The following PIGK variants were observed in gnomAD, a reference collection of about 807,000 sequenced individuals.
PIGK encodes phosphatidylinositol glycan anchor biosynthesis class K, also known as GPI-anchor transamidase.
A neutral mutation model predicts 50.6 loss-of-function variants in PIGK; 42 were observed. The observed-to-expected ratio is 0.83, with a 90% CI of 0.65 to 1.07. The LOEUF (loss-of-function observed/expected upper bound fraction) is 1.07, where lower values mean the gene tolerates loss of function less well. Among genes scored for constraint, PIGK ranks in the 50% least tolerant of loss-of-function variants. PIGK has a pLI of 0.00. For missense variants in PIGK, 448 were observed against 488.7 expected (o/e 0.92, Z 0.78); for synonymous variants, 151 against 156.0 (o/e 0.97, Z 0.24).
At chr1:77,198,639 T>C (rs1010875217) in intron 3 of PIGK, among the ~76,000 whole-genome samples, 1 of 151,862 alleles carries the variant, frequency 6.6e-6, no homozygotes, top group Non-Finnish European at 1.5e-5. Flanking sequence ...AAAGGTACCA[T>C]TTACAATAAT....
At chr1:77,193,607 C>T (rs1655963928) in intron 3 of PIGK, among the ~76,000 whole-genome samples, 1 of 152,086 alleles carries the variant, frequency 6.6e-6, no homozygotes, top group South Asian at 2.1e-4. Context: ...TGTCATATTT[C>T]CAAGGGAACA....
intron 10 of PIGK, among the ~76,000 whole-genome samples, chr1:77,098,959 T>A (rs1234482174): frequency 1.3e-5 from 2 of 152,150 alleles, no homozygotes; most frequent in South Asian, 2.1e-4. Flanking sequence ...TTCTGGAAAA[T>A]AACCCATTAA....
intron 8 of PIGK, 50 bp from the exon 9 acceptor site, chr1:77,154,671 T>G (rs1214976431): frequency 8.8e-7 from 1 of 1,142,054 alleles, no homozygotes; most frequent in East Asian, 2.5e-5. Flanking sequence ...CATACCACAT[T>G]TATTAAATCC....
intron 10 of PIGK, among the ~76,000 whole-genome samples, chr1:77,108,381 T>C (rs1335564072): frequency 6.6e-6 from 1 of 152,196 alleles, no homozygotes; most frequent in African/African-American, 2.4e-5. Flanking sequence ...AATTCTGGGT[T>C]GAAAATTCTT....
intron 3 of PIGK, among the ~76,000 whole-genome samples, chr1:77,201,093 A>G (rs1416295188): frequency 1.3e-5 from 2 of 152,230 alleles, no homozygotes; most frequent in African/African-American, 4.8e-5. Context: ...TCTTACGTAT[A>G]AGGCCAAATC....
At chr1:77,210,191 T>C (rs762479111) in intron 2 of PIGK, among the ~76,000 whole-genome samples, 2 of 152,052 alleles carry the variant, frequency 1.3e-5, no homozygotes, top group Non-Finnish European at 2.9e-5. Flanking sequence ...CCTTTAACAA[T>C]AGCATTCCTA....
chr1:77,199,832 T>A (rs547153514), intron 3 of PIGK, among the ~76,000 whole-genome samples: 1 of 152,208 alleles, frequency 6.6e-6, no homozygotes, highest in East Asian at 1.9e-4. Flanking sequence ...TCATGTAACA[T>A]TTACAATTAG....
At chr1:77,213,632 C>T (rs1234749987) in intron 1 of PIGK, among the ~76,000 whole-genome samples, 1 of 151,832 alleles carries the variant, frequency 6.6e-6, no homozygotes, top group African/African-American at 2.4e-5. Context: ...AACCTAATAA[C>T]ACATCTCAAG....
chr1:77,095,913 C>T lies in PIGK; in HGVS notation c.1072-3423G>A, dbSNP rs558171101. Among the ~76,000 whole-genome samples the T allele has an allele frequency of 2.0e-5, 3 of 152,032 alleles. No individual in the cohort carries two copies. In the South Asian group the frequency reaches 6.2e-4, roughly 32 times the overall value. On this transcript the variant is annotated intron_variant, in intron 10 of 10. Transcript: ENST00000370812. ...ATCCACACACTCTGTTGGCAAATAC[C>T]AACAGTGTCCAAATAAAAAGGAAAA...
chr1:77,155,069 C>T (rs1215421447), intron 8 of PIGK, among the ~76,000 whole-genome samples: 2 of 152,112 alleles, frequency 1.3e-5, no homozygotes, highest in Non-Finnish European at 2.9e-5. Flanking sequence ...TACATGGAGC[C>T]CCAATATGTA....
intron 8 of PIGK, 40 bp downstream of exon 8, chr1:77,161,255 G>C (rs998971283): frequency 1.1e-6 from 1 of 926,574 alleles, no homozygotes. Context: ...ATTAAGGTTA[G>C]CATACCTATG....
chr1:77,216,645 G>T (rs558387168), intron 1 of PIGK, among the ~76,000 whole-genome samples: 1 of 151,942 alleles, frequency 6.6e-6, no homozygotes, highest in Non-Finnish European at 1.5e-5. Context: ...GGGGGTGTGT[G>T]TGTGTGTATT....
At chr1:77,149,382 GA>G (rs2100548080) in intron 9 of PIGK, among the ~76,000 whole-genome samples, 1 of 151,748 alleles carries the variant, frequency 6.6e-6, no homozygotes, top group Non-Finnish European at 1.5e-5. Context: ...TAAAGATACA[GA>G]CAAAAAATGA....
At position 77,198,941 on chromosome 1, in the gene PIGK, C is replaced by CATTCTAAAA. The variant is rs1426514174; in HGVS notation, c.239+7698_239+7699insTTTTAGAAT. On this transcript the variant is annotated intron_variant, in intron 3 of 10. Coordinates refer to ENST00000370812, the MANE Select transcript of PIGK (RefSeq NM_005482.3). ...AGACCATTCTAAAAAAGAATAAAGC[C>CATTCTAAAA]AAGGAAATGAAGTTAACAGATATAA... Among the ~76,000 whole-genome samples the CATTCTAAAA allele has an allele frequency of 2.6e-5, 4 of 151,862 alleles. No homozygotes were observed. In the East Asian group the frequency reaches 7.7e-4, roughly 29 times the overall value.
At chr1:77,208,189 G>A (rs1323886741) in intron 2 of PIGK, among the ~76,000 whole-genome samples, 2 of 152,024 alleles carry the variant, frequency 1.3e-5, no homozygotes, top group Admixed American at 1.3e-4. Context: ...TCACACCACT[G>A]CACTCCAGCC....
intron 9 of PIGK, among the ~76,000 whole-genome samples, chr1:77,137,509 T>G (rs537136238): frequency 1.5e-4 from 23 of 152,388 alleles, no homozygotes; most frequent in African/African-American, 5.5e-4. Flanking sequence ...CTTTTCCAAA[T>G]ATGCCTCATC....
In PIGK at chr1:77,120,542, G is replaced by A. The variant is rs190435278; in HGVS notation, c.1071+1733C>T. 4.3e-3 allele frequency among the ~76,000 whole-genome samples: 657 copies of A among 152,178 alleles called. 6 individuals are homozygous for A. Among genetic ancestry groups the A allele is most frequent in the African/African-American group, 0.015 (631 of 41,502 alleles). On this transcript the variant is annotated intron_variant, in intron 10 of 10. Transcript: ENST00000370812. ...CGGCCAAAATTTGCTTTTAAATAACGGACTTATCAGTTAATTTCTGGCAAC... is the reference window on the plus strand; with the variant it reads ...CGGCCAAAATTTGCTTTTAAATAACAGACTTATCAGTTAATTTCTGGCAAC...
At chr1:77,104,013 TG>T (rs1476251415) in intron 10 of PIGK, among the ~76,000 whole-genome samples, 9 of 141,524 alleles carry the variant, frequency 6.4e-5, no homozygotes, top group African/African-American at 2.3e-4. Flanking sequence ...ATCAGGATAG[TG>T]GGGCTATCTT....
Position 77,103,526 on chromosome 1 carries a change from T to G in PIGK, c.1072-11036A>C, listed in dbSNP as rs139549654. Among the ~76,000 whole-genome samples the G allele has an allele frequency of 2.6e-3, 403 of 152,250 alleles. 6 individuals carry two copies. The highest frequency in any genetic ancestry group is 0.023 in the Admixed American group (353 of 15,290). On this transcript the variant is annotated intron_variant, in intron 10 of 10. Coordinates refer to ENST00000370812, the MANE Select transcript of PIGK (RefSeq NM_005482.3). The stretch of plus-strand genomic sequence containing the variant: ...TCAGACAAAAGGTAATAAACAATGG[T>G]TTTCAGACATTGGACAATTTGCACC...
Sources: allele counts gnomAD v4.1 joint callset (sites outside exome capture counted in the v4.1 genomes callset), GRCh38; gene constraint gnomAD v4.1.1; transcripts MANE v1.5; gene names NCBI Gene and HGNC (gene_info 2026-07-23, HGNC 2026-07-21).